The following CSMD1 variants were observed in gnomAD, a reference collection of about 807,000 sequenced individuals.
CSMD1 encodes CUB and sushi domain-containing protein 1.
In CSMD1, 213 loss-of-function variants were observed where a neutral mutation model predicts 417.5. The observed-to-expected ratio is 0.51, with a 90% CI of 0.46 to 0.57. The LOEUF (loss-of-function observed/expected upper bound fraction) is 0.57, where lower values mean the gene tolerates loss of function less well. Among genes scored for constraint, CSMD1 ranks in the 20% least tolerant of loss-of-function variants. The pLI is 0.00. For synonymous variants in CSMD1, 2,862 were observed against 1,736.8 expected, an observed-to-expected ratio of 1.65 and a Z score of -16.11; for missense variants, 6,923 against 4,529.7, an observed-to-expected ratio of 1.53 and a Z score of -15.17.
At chr8:4,458,939 A>G (rs945299099) in intron 2 of CSMD1, among the ~76,000 whole-genome samples, 1 of 152,234 alleles carries the variant, frequency 6.6e-6, no homozygotes, top group African/African-American at 2.4e-5. Context: ...AAGTGCATTA[A>G]GCTTGTAAAC....
chr8:3,626,754 TA>T (rs1796510137), intron 7 of CSMD1, among the ~76,000 whole-genome samples: 1 of 150,684 alleles, frequency 6.6e-6, no homozygotes, highest in African/African-American at 2.4e-5. Context: ...TTATATATAT[TA>T]CCTATGTATT....
chr8:3,348,687 G>A (rs1040792694), intron 21 of CSMD1, among the ~76,000 whole-genome samples: 1 of 152,170 alleles, frequency 6.6e-6, no homozygotes, highest in African/African-American at 2.4e-5. Context: ...GAATGCCTCA[G>A]CATTATGTCT....
intron 2 of CSMD1, among the ~76,000 whole-genome samples, chr8:4,431,011 G>A (rs1018683397): frequency 2.0e-5 from 3 of 152,082 alleles, no homozygotes; most frequent in Admixed American, 1.3e-4. Context: ...TCTCTGGAAA[G>A]ACTTCGCATA....
chr8:4,815,877 T>G (rs531904168), intron 1 of CSMD1, among the ~76,000 whole-genome samples: 1 of 152,148 alleles, frequency 6.6e-6, no homozygotes, highest in Non-Finnish European at 1.5e-5. Context: ...GGGACTGCTT[T>G]GTGTGAATTG....
At chr8:3,323,692 A>C (rs1806301556) in intron 23 of CSMD1, among the ~76,000 whole-genome samples, 1 of 152,356 alleles carries the variant, frequency 6.6e-6, no homozygotes, top group Non-Finnish European at 1.5e-5. Flanking sequence ...GCAGCAGGTA[A>C]GTAGCAGAGC....
intron 5 of CSMD1, among the ~76,000 whole-genome samples, chr8:3,897,330 G>A (rs1230477465): frequency 6.6e-6 from 1 of 152,152 alleles, no homozygotes. Flanking sequence ...CTTGGGTCAG[G>A]TTTCTCTTAT....
chr8:3,406,042 C>G lies in CSMD1; in HGVS notation c.2251G>C (p.Val751Leu). The change falls in exon 15 of 70, where the codon GTG (valine) becomes CTG (leucine). Residue 751 changes from valine (V) to leucine (L), a missense_variant. Physicochemically the swap from Val to Leu is conservative, Grantham distance 32. Coordinates refer to ENST00000635120, the MANE Select transcript of CSMD1 (RefSeq NM_033225.6). ...QDGNVVWSST[V>L]PRCEAPCGGH... ...GGGACTGCACCTTCACAGCGGGGCA[C>G]GGTGGAGCTCCAGACCACGTTCCCG... 3 of 1,613,710 alleles carry G rather than the reference C, an allele frequency of 1.9e-6. No homozygotes were observed. Among genetic ancestry groups the G allele is most frequent in the African/African-American group, 1.3e-5 (1 of 75,024 alleles).
intron 23 of CSMD1, among the ~76,000 whole-genome samples, chr8:3,314,718 C>G (rs1363834399): frequency 1.3e-5 from 2 of 152,198 alleles, no homozygotes; most frequent in South Asian, 4.1e-4. Flanking sequence ...ATGAATTACG[C>G]AGTCTTAATA....
intron 5 of CSMD1, among the ~76,000 whole-genome samples, chr8:3,925,705 G>A (rs979754722): frequency 6.6e-6 from 1 of 151,958 alleles, no homozygotes; most frequent in African/African-American, 2.4e-5. Context: ...CACGTAAGAA[G>A]TGCCTGTTAC....
chr8:4,548,855 C>T lies in CSMD1; in HGVS notation c.302+88487G>A, dbSNP rs937066751. ...CTTGGTCTTGGGGGGACATGTGATG[C>T]GCGCAGGAGGTAAAGTATTTCTCTG... On this transcript the variant is annotated intron_variant, in intron 2 of 69. Transcript: ENST00000635120. Among the ~76,000 whole-genome samples the T allele has an allele frequency of 5.9e-5, 9 of 152,142 alleles. 1 individual carries two copies. The highest frequency in any genetic ancestry group is 1.9e-4 in the East Asian group (1 of 5,166).
chr8:3,907,718 G>C (rs1044085132), intron 5 of CSMD1, among the ~76,000 whole-genome samples: 1 of 152,168 alleles, frequency 6.6e-6, no homozygotes, highest in African/African-American at 2.4e-5. Flanking sequence ...GCTGCCCTGA[G>C]AAGTGTTATG....
At chr8:3,848,473 A>C (rs1185205784) in intron 5 of CSMD1, among the ~76,000 whole-genome samples, 1 of 150,704 alleles carries the variant, frequency 6.6e-6, no homozygotes, top group Non-Finnish European at 1.5e-5. Context: ...TACTTAATTC[A>C]GTTAATTGAT....
At chr8:3,530,557 T>A (rs1400587579) in intron 10 of CSMD1, among the ~76,000 whole-genome samples, 1 of 152,230 alleles carries the variant, frequency 6.6e-6, no homozygotes, top group Non-Finnish European at 1.5e-5. Flanking sequence ...AGTCTTGCTC[T>A]GTTCCCCAAG....
intron 3 of CSMD1, among the ~76,000 whole-genome samples, chr8:4,103,463 T>C (rs12543779): frequency 6.7e-6 from 1 of 150,060 alleles, no homozygotes; most frequent in Admixed American, 6.6e-5. Context: ...ATCCACATGA[T>C]TATTTTAAAA....
intron 23 of CSMD1, among the ~76,000 whole-genome samples, chr8:3,341,125 A>C (rs1244033105): frequency 6.6e-6 from 1 of 152,194 alleles, no homozygotes; most frequent in Non-Finnish European, 1.5e-5. Flanking sequence ...GGAGCAATAG[A>C]GTCACAGTAT....
At chr8:3,887,106 G>T (rs1435855254) in intron 5 of CSMD1, among the ~76,000 whole-genome samples, 1 of 152,090 alleles carries the variant, frequency 6.6e-6, no homozygotes, top group East Asian at 1.9e-4. Flanking sequence ...AAAAGTAGAG[G>T]GTGGGACTTC....
intron 3 of CSMD1, among the ~76,000 whole-genome samples, chr8:4,350,735 C>A (rs1484322023): frequency 6.6e-6 from 1 of 152,182 alleles, no homozygotes; most frequent in Non-Finnish European, 1.5e-5. Flanking sequence ...GTCACATTTG[C>A]TCTTCTCTAA....
At chr8:4,062,787 C>T (rs1233396515) in intron 3 of CSMD1, among the ~76,000 whole-genome samples, 1 of 150,922 alleles carries the variant, frequency 6.6e-6, no homozygotes, top group African/African-American at 2.4e-5. Flanking sequence ...ATTGTTCAAA[C>T]CCAGTATCTG....
At chr8:3,540,971 T>A (rs1212905905) in intron 10 of CSMD1, among the ~76,000 whole-genome samples, 2 of 152,194 alleles carry the variant, frequency 1.3e-5, no homozygotes, top group Non-Finnish European at 2.9e-5. Flanking sequence ...GACAGTGTGG[T>A]GATTCCTCAA....
Sources: gnomAD v4.1 joint callset for allele counts (sites outside exome capture counted in the v4.1 genomes callset) on GRCh38, gnomAD v4.1.1 for gene constraint, MANE v1.5 for transcripts, NCBI Gene and HGNC (gene_info 2026-07-23, HGNC 2026-07-21) for gene names.